The following CSMD3 variants were observed in gnomAD, a reference collection of about 807,000 sequenced individuals.
CSMD3 encodes CUB and Sushi multiple domains 3.
In CSMD3, 177 loss-of-function variants were observed where a neutral mutation model predicts 435.2. The ratio of observed to expected loss-of-function variants is 0.41; its 90% CI spans 0.36 to 0.46. The LOEUF (loss-of-function observed/expected upper bound fraction) is 0.46. Among genes scored for constraint, CSMD3 ranks in the 20% least tolerant of loss-of-function variants. CSMD3 has a pLI of 0.34. For missense variants in CSMD3, 4,265 were observed against 4,504.6 expected, an observed-to-expected ratio of 0.95 and a Z score of 1.52; for synonymous variants, 1,656 against 1,520.5, an observed-to-expected ratio of 1.09 and a Z score of -2.07.
intron 22 of CSMD3, among the ~76,000 whole-genome samples, chr8:112,612,443 T>A (rs1036658955): frequency 6.6e-6 from 1 of 152,018 alleles, no homozygotes; most frequent in African/African-American, 2.4e-5. Flanking sequence ...GATTAAGAAA[T>A]CCAAAGAATT....
chr8:113,413,470 T>C (rs1429764520), intron 1 of CSMD3, among the ~76,000 whole-genome samples: 1 of 152,172 alleles, frequency 6.6e-6, no homozygotes, highest in Non-Finnish European at 1.5e-5. Flanking sequence ...GGTTACACTG[T>C]CAACTAAGCT....
chr8:113,054,578 A>G (rs2088237430), intron 5 of CSMD3, among the ~76,000 whole-genome samples: 1 of 152,052 alleles, frequency 6.6e-6, no homozygotes, highest in Admixed American at 6.6e-5. Context: ...TTTGTCTATC[A>G]TTTGCTCCTT....
chr8:112,536,006 T>C (rs904506220), intron 27 of CSMD3, among the ~76,000 whole-genome samples: 2 of 152,088 alleles, frequency 1.3e-5, no homozygotes, highest in Non-Finnish European at 2.9e-5. Context: ...CCTTACACCT[T>C]ATACAAAAAT....
intron 13 of CSMD3, among the ~76,000 whole-genome samples, chr8:112,714,403 C>T (rs2076679409): frequency 6.6e-6 from 1 of 152,186 alleles, no homozygotes; most frequent in Non-Finnish European, 1.5e-5. Context: ...GTACCCAATA[C>T]AGGAGCTCCC....
At chr8:112,786,231 G>T (rs1342033309) in intron 13 of CSMD3, among the ~76,000 whole-genome samples, 1 of 152,100 alleles carries the variant, frequency 6.6e-6, no homozygotes, top group African/African-American at 2.4e-5. Context: ...TTCATATGCA[G>T]AAGAAGGAAG....
At chr8:113,150,388 C>G (rs1468458290) in intron 4 of CSMD3, among the ~76,000 whole-genome samples, 1 of 151,946 alleles carries the variant, frequency 6.6e-6, no homozygotes, top group Non-Finnish European at 1.5e-5. Context: ...AAAAAGCAAA[C>G]TGCCTTGTTA....
At chr8:112,616,933 A>G (rs915603651) in intron 22 of CSMD3, among the ~76,000 whole-genome samples, 6 of 152,192 alleles carry the variant, frequency 3.9e-5, no homozygotes, top group African/African-American at 1.4e-4. Flanking sequence ...CCTGTGTTCA[A>G]CTGAAACTAG....
chr8:112,653,531 T>C (rs1167210946), intron 18 of CSMD3, among the ~76,000 whole-genome samples: 1 of 152,124 alleles, frequency 6.6e-6, no homozygotes, highest in East Asian at 1.9e-4. Context: ...TTTCAAGCAA[T>C]ACAACATAAT....
chr8:112,624,902 T>G (rs544700955), intron 22 of CSMD3, among the ~76,000 whole-genome samples: 10 of 152,066 alleles, frequency 6.6e-5, no homozygotes, highest in Non-Finnish European at 1.5e-4. Context: ...ACATGTAATC[T>G]TTATTCCTGC....
At chr8:113,038,429 TAC>T (rs1361704548) in intron 5 of CSMD3, among the ~76,000 whole-genome samples, 3 of 152,136 alleles carry the variant, frequency 2.0e-5, no homozygotes, top group African/African-American at 7.2e-5. Context: ...ATAAAACAGA[TAC>T]AGAGTCAGCT....
chr8:113,019,234 G>C (rs189186344), intron 5 of CSMD3, 55 bp from the exon 6 acceptor site: 1 of 1,163,586 alleles, frequency 8.6e-7, no homozygotes, highest in East Asian at 2.3e-5. Context: ...AGCAGTAAAC[G>C]TTTTCACAAA....
Position 113,373,594 on chromosome 8 carries a change from T to C in CSMD3, c.179-58801A>G, listed in dbSNP as rs551639149. On this transcript the variant is annotated intron_variant, in intron 1 of 70. Transcript: ENST00000297405. ...CATATGAAATAAAGATGTTTATTAATTAACTTTACTGGTATTTTGAAATTT... is the reference window on the plus strand; with the variant it reads ...CATATGAAATAAAGATGTTTATTAACTAACTTTACTGGTATTTTGAAATTT... Among the ~76,000 whole-genome samples the C allele has an allele frequency of 3.9e-5, 6 of 152,202 alleles. No individual in the cohort carries two copies. The South Asian group carries it at 1.2e-3, about 32-fold the overall frequency.
At chr8:113,320,250 A>G (rs1268436690) in intron 1 of CSMD3, among the ~76,000 whole-genome samples, 1 of 152,054 alleles carries the variant, frequency 6.6e-6, no homozygotes, top group African/African-American at 2.4e-5. Context: ...GCCTTATATT[A>G]TGTTTTTCAG....
At chr8:112,926,101 A>G (rs906140959) in intron 9 of CSMD3, among the ~76,000 whole-genome samples, 1 of 152,226 alleles carries the variant, frequency 6.6e-6, no homozygotes, top group African/African-American at 2.4e-5. Context: ...ACAGAAGTCA[A>G]TGAAATAAGT....
At chr8:112,850,748 C>T (rs1030154889) in intron 11 of CSMD3, among the ~76,000 whole-genome samples, 6 of 152,132 alleles carry the variant, frequency 3.9e-5, no homozygotes, top group Non-Finnish European at 7.4e-5. Context: ...TATGTCTACA[C>T]AATGAAGAAA....
chr8:113,408,278 C>T (rs139661011), intron 1 of CSMD3, among the ~76,000 whole-genome samples: 8 of 152,108 alleles, frequency 5.3e-5, no homozygotes, highest in African/African-American at 1.9e-4. Flanking sequence ...TATAATGTTA[C>T]AGTTACAGAC....
chr8:113,270,582 C>T (rs1298258643), intron 3 of CSMD3, among the ~76,000 whole-genome samples: 1 of 151,982 alleles, frequency 6.6e-6, no homozygotes, highest in Non-Finnish European at 1.5e-5. Context: ...ATCCAAATGT[C>T]CAACAATGAT....
intron 10 of CSMD3, among the ~76,000 whole-genome samples, chr8:112,897,686 C>CTGTGTG (rs1363499348): frequency 7.9e-5 from 7 of 89,004 alleles, no homozygotes; most frequent in African/African-American, 2.9e-4. Flanking sequence ...CTCTCTCTCT[C>CTGTGTG]TCTCTCTCTG....
chr8:112,662,072 A>G (rs951349920), intron 17 of CSMD3, among the ~76,000 whole-genome samples: 1 of 152,158 alleles, frequency 6.6e-6, no homozygotes. Flanking sequence ...GGAAGAATCA[A>G]TATTGTGAAA....
Sources: allele counts gnomAD v4.1 joint callset (sites outside exome capture counted in the v4.1 genomes callset), GRCh38; gene constraint gnomAD v4.1.1; transcripts MANE v1.5; gene names NCBI Gene and HGNC (gene_info 2026-07-23, HGNC 2026-07-21).